SPDYA: variants seen among roughly 807,000 people sequenced by gnomAD.
SPDYA encodes speedy/RINGO cell cycle regulator family member A, also known as speedy protein A.
A neutral mutation model predicts 36.7 loss-of-function variants in SPDYA; 11 were observed. The ratio of observed to expected loss-of-function variants is 0.30; its 90% CI spans 0.19 to 0.50. SPDYA has a LOEUF of 0.50. SPDYA is among the 20% of genes least tolerant of loss of function. The pLI is 0.98. For missense variants in SPDYA, 287 were observed against 370.9 expected, an observed-to-expected ratio of 0.77 and a Z score of 1.86; for synonymous variants, 115 against 118.7, an observed-to-expected ratio of 0.97 and a Z score of 0.20.
At chr2:28,817,260 C>T (rs1417822759) in intron 3 of SPDYA, among the ~76,000 whole-genome samples, 1 of 152,142 alleles carries the variant, frequency 6.6e-6, no homozygotes, top group Non-Finnish European at 1.5e-5. Flanking sequence ...TTTTAGGTAA[C>T]TTAAGAAATT....
intron 1 of SPDYA, among the ~76,000 whole-genome samples, chr2:28,813,787 G>C (rs1667914297): frequency 1.3e-5 from 2 of 152,156 alleles, no homozygotes. Context: ...CCTGACCTCA[G>C]GTGATCCGCC....
At chr2:28,847,435 G>A (rs1453052859) in intron 7 of SPDYA, among the ~76,000 whole-genome samples, 4 of 151,984 alleles carry the variant, frequency 2.6e-5, no homozygotes, top group Non-Finnish European at 4.4e-5. Context: ...CTGCATACAG[G>A]ATGGTGTTCC....
intron 7 of SPDYA, among the ~76,000 whole-genome samples, chr2:28,846,426 C>T (rs1488025175): frequency 1.3e-5 from 2 of 151,908 alleles, no homozygotes; most frequent in African/African-American, 4.8e-5. Context: ...AAAACAAAAA[C>T]ATGATCCAGT....
intron 2 of SPDYA, 81 bp from the exon 3 acceptor site, chr2:28,815,916 C>T (rs1352141579): frequency 4.7e-6 from 4 of 844,208 alleles, no homozygotes; most frequent in East Asian, 2.6e-5. Flanking sequence ...TATATGACTG[C>T]ATATGGTAGT....
Position 28,840,888 on chromosome 2 carries a change from A to G in SPDYA, c.850+419A>G, listed in dbSNP as rs576282184. 6.3e-5 allele frequency: 35 copies of G among 556,528 alleles called. No individual in the cohort carries two copies. The African/African-American group carries it at 7.2e-4, about 11-fold the overall frequency. The allele number at this position is 556,528 out of a possible 1,614,324, so 34.5% of individuals were successfully genotyped here. Reference sequence around the variant, plus strand: ...TCTAGGCCTGCTTTTTTCATTTATCACGAAGTATTTTCCCATGTCATTATT... The same window carrying G: ...TCTAGGCCTGCTTTTTTCATTTATCGCGAAGTATTTTCCCATGTCATTATT... On this transcript the variant is annotated intron_variant, in intron 7 of 7. Coordinates refer to ENST00000334056, the MANE Select transcript of SPDYA (RefSeq NM_182756.4).
chr2:28,818,991 C>T (rs1410749377), intron 3 of SPDYA, 57 bp from the exon 4 acceptor site: 1 of 1,345,004 alleles, frequency 7.4e-7, no homozygotes, highest in African/African-American at 1.4e-5. Context: ...GAAATTAATT[C>T]TTCAAAAGGA....
rs1311730154 is a variant in SPDYA, at chr2:28,850,201, A to G, written c.*260A>G. ...TCAGTTACTGTCATCTGGAGTACTC[A>G]GTTAAGTTGTGGTTTGACCTTCCTC... On this transcript the variant is annotated 3_prime_UTR_variant, in exon 8 of 8. Coordinates refer to ENST00000334056, the MANE Select transcript of SPDYA (RefSeq NM_182756.4). 6.2e-7 allele frequency: 1 copy of G among 1,611,282 alleles called. No homozygotes were observed.
At chr2:28,845,880 A>G (rs958684474) in intron 7 of SPDYA, among the ~76,000 whole-genome samples, 2 of 152,094 alleles carry the variant, frequency 1.3e-5, no homozygotes, top group Non-Finnish European at 2.9e-5. Flanking sequence ...CACCTTATAT[A>G]TGTATTACTA....
intron 1 of SPDYA, among the ~76,000 whole-genome samples, chr2:28,813,557 T>C (rs1483060770): frequency 5.3e-5 from 8 of 151,738 alleles, no homozygotes; most frequent in African/African-American, 1.9e-4. Context: ...ATCTAGATTT[T>C]TTTTTTTTTT....
At position 28,849,917 on chromosome 2, in the gene SPDYA, G is replaced by A. The variant is rs747499780; in HGVS notation, c.918G>A (p.Glu306=). 5 of 1,593,710 alleles carry A rather than the reference G, an allele frequency of 3.1e-6. No homozygotes were observed. In the South Asian group the frequency reaches 5.8e-5, roughly 18 times the overall value. Residue 306 remains glutamate (E), a synonymous_variant, in exon 8 of 8, where the codon GAG becomes GAA. Coordinates refer to ENST00000334056, the MANE Select transcript of SPDYA (RefSeq NM_182756.4). ...TNFLKKDKSM[E]WFTGSEE Reference sequence around the variant, plus strand: ...TCTTGAAGAAAGACAAATCTATGGAGTGGTTTACAGGAAGTGAAGAATGAG... The same window carrying A: ...TCTTGAAGAAAGACAAATCTATGGAATGGTTTACAGGAAGTGAAGAATGAG...
chr2:28,819,850 ATATATATATATATATATATATATATAT>A (rs1668106687), intron 4 of SPDYA, among the ~76,000 whole-genome samples: 7 of 6,900 alleles, frequency 1.0e-3, no homozygotes, highest in Non-Finnish European at 1.4e-3. Context: ...AAAAAAAAAA[ATATATATATATATATATATATATATAT>A]ATATATATAT....
intron 5 of SPDYA, among the ~76,000 whole-genome samples, 200 bp from the exon 6 acceptor site, chr2:28,828,948 A>G (rs1558326369): frequency 1.3e-5 from 2 of 152,246 alleles, no homozygotes; most frequent in South Asian, 4.1e-4. Context: ...ACAAAGCTCA[A>G]GATTTGTAGG....
In SPDYA at chr2:28,850,242, G is replaced by A. The variant is rs1245843781; in HGVS notation, c.*301G>A. The A allele has an allele frequency of 6.2e-7, 1 of 1,610,978 alleles. No individual in the cohort carries two copies. The highest frequency in any genetic ancestry group is 1.8e-4 in the Middle Eastern group (1 of 5,622). ...GACCTTCCTCAACTTGACAAGAAAA[G>A]CTAATTTAAGAGAAGAAAAACATAA... On this transcript the variant is annotated 3_prime_UTR_variant, in exon 8 of 8. Transcript: ENST00000334056.
chr2:28,829,222 A>C lies in SPDYA; in HGVS notation c.455A>C (p.Asn152Thr). Residue 152 changes from asparagine (N) to threonine (T), a missense_variant, in exon 6 of 8, where the codon AAC becomes ACC. Transcript: ENST00000334056. ...ATTTTTCCATGGGCTTTAGGGAAAA[A>C]CTGGAGAAAATTGTTCCCTAATTTC... ...YEIFPWALGK[N>T]WRKLFPNFLK... is the part of the protein sequence containing the mutation. 6.2e-7 allele frequency: 1 copy of C among 1,614,084 alleles called. No individual in the cohort carries two copies. The highest frequency in any genetic ancestry group is 8.5e-7 in the Non-Finnish European group (1 of 1,179,996).
chr2:28,837,428 T>G (rs941434556), intron 6 of SPDYA, among the ~76,000 whole-genome samples: 4 of 152,144 alleles, frequency 2.6e-5, no homozygotes, highest in African/African-American at 4.8e-5. Flanking sequence ...TATATAGACA[T>G]GAATGTAAGG....
intron 5 of SPDYA, among the ~76,000 whole-genome samples, chr2:28,828,008 C>G (rs1252436063): frequency 6.6e-6 from 1 of 151,304 alleles, no homozygotes; most frequent in Non-Finnish European, 1.5e-5. Context: ...CTTTTTGAGA[C>G]AGAGTCTCCC....
At chr2:28,836,836 T>C (rs1668617125) in intron 6 of SPDYA, among the ~76,000 whole-genome samples, 1 of 152,210 alleles carries the variant, frequency 6.6e-6, no homozygotes, top group Non-Finnish European at 1.5e-5. Flanking sequence ...CAACAACTCC[T>C]TTAAGGTGGG....
At chr2:28,835,350 C>T (rs940444008) in intron 6 of SPDYA, among the ~76,000 whole-genome samples, 1 of 152,052 alleles carries the variant, frequency 6.6e-6, no homozygotes, top group Non-Finnish European at 1.5e-5. Flanking sequence ...CTCGGCTTCC[C>T]AAGTAGCTAG....
intron 3 of SPDYA, among the ~76,000 whole-genome samples, chr2:28,817,029 G>A (rs1052290470): frequency 6.6e-6 from 1 of 152,070 alleles, no homozygotes; most frequent in Non-Finnish European, 1.5e-5. Flanking sequence ...ATTAAAGCAA[G>A]CTAGTTACGA....
Sources: gnomAD v4.1 joint callset for allele counts (sites outside exome capture counted in the v4.1 genomes callset) on GRCh38, gnomAD v4.1.1 for gene constraint, MANE v1.5 for transcripts, NCBI Gene and HGNC (gene_info 2026-07-23, HGNC 2026-07-21) for gene names.